Variants in PCDH15 observed in about 807,000 individuals in gnomAD.
The protein encoded by PCDH15 is protocadherin-15.
In PCDH15, 129 loss-of-function variants were observed where a neutral mutation model predicts 178.5. The ratio of observed to expected loss-of-function variants is 0.72; its 90% CI spans 0.63 to 0.84. PCDH15 has a LOEUF of 0.84. PCDH15 is among the 40% of genes least tolerant of loss of function. PCDH15 has a pLI of 0.00. For synonymous variants in PCDH15, 800 were observed against 732.0 expected (o/e 1.09, Z -1.50); for missense variants, 2,230 against 2,099.9 (o/e 1.06, Z -1.21).
intron 2 of PCDH15, chr10:54,606,138 T>C (rs1298380748): frequency 6.6e-6 from 1 of 152,200 alleles, no homozygotes; most frequent in Non-Finnish European, 1.5e-5. Context: ...GCTTGATTTG[T>C]AGTCTAACTT....
intron 3 of PCDH15, among the ~76,000 whole-genome samples, chr10:54,468,225 T>C (rs12220423): frequency 0.091 from 13,820 of 151,998 alleles, 807 homozygotes; most frequent in East Asian, 0.27. Context: ...TTCTTGCTTT[T>C]AAAATTTATT....
chr10:54,905,732 T>C (rs1420296624), intron 2 of PCDH15, among the ~76,000 whole-genome samples: 1 of 152,098 alleles, frequency 6.6e-6, no homozygotes, highest in Non-Finnish European at 1.5e-5. Flanking sequence ...GGCTCAATAG[T>C]TCCATATGGA....
chr10:54,566,084 CAATA>C (rs2088988162), intron 2 of PCDH15, among the ~76,000 whole-genome samples: 1 of 151,992 alleles, frequency 6.6e-6, no homozygotes, highest in African/African-American at 2.4e-5. Flanking sequence ...AATTTCATCT[CAATA>C]AATAAATACA....
chr10:55,494,550 A>C (rs917181425), intron 2 of PCDH15, among the ~76,000 whole-genome samples: 2 of 151,118 alleles, frequency 1.3e-5, no homozygotes, highest in Admixed American at 1.3e-4. Flanking sequence ...TGTTAAGAGG[A>C]TATTTTCTAA....
At chr10:54,677,562 T>G (rs746957175) in intron 1 of PCDH15, among the ~76,000 whole-genome samples, 1 of 151,904 alleles carries the variant, frequency 6.6e-6, no homozygotes, top group Non-Finnish European at 1.5e-5. Flanking sequence ...TGCATAAGAA[T>G]CTAAGTGTCC....
intron 3 of PCDH15, among the ~76,000 whole-genome samples, chr10:54,448,042 T>C (rs1230145667): frequency 6.6e-6 from 1 of 151,682 alleles, no homozygotes; most frequent in Non-Finnish European, 1.5e-5. Flanking sequence ...TATTCAGTTT[T>C]AGAACGTTAA....
intron 1 of PCDH15, among the ~76,000 whole-genome samples, chr10:55,264,200 A>C (rs1842222601): frequency 6.6e-6 from 1 of 152,118 alleles, no homozygotes; most frequent in South Asian, 2.1e-4. Flanking sequence ...TTTCAATCCG[A>C]AGCTCGATTC....
chr10:55,453,375 A>C (rs1839477543), intron 2 of PCDH15, among the ~76,000 whole-genome samples: 1 of 152,198 alleles, frequency 6.6e-6, no homozygotes, highest in African/African-American at 2.4e-5. Context: ...ATGCATGTTT[A>C]GGTTTTGTAA....
intron 1 of PCDH15, among the ~76,000 whole-genome samples, chr10:55,314,199 GTATATATA>G (rs34097929): frequency 0.022 from 3,101 of 142,818 alleles, 53 homozygotes; most frequent in South Asian, 0.076. Context: ...ATGTTTGTGT[GTATATATA>G]TATATATATA....
At chr10:55,054,562 C>CAA (rs1841249284) in intron 2 of PCDH15, among the ~76,000 whole-genome samples, 1 of 152,122 alleles carries the variant, frequency 6.6e-6, no homozygotes, top group Non-Finnish European at 1.5e-5. Context: ...ATTACTGGGT[C>CAA]AAATAGCTTT....
intron 2 of PCDH15, among the ~76,000 whole-genome samples, chr10:55,500,488 C>T (rs1402994358): frequency 6.6e-6 from 1 of 151,710 alleles, no homozygotes; most frequent in African/African-American, 2.4e-5. Flanking sequence ...TCTGGAGCAA[C>T]ATTTCTCTAC....
chr10:54,959,122 G>A (rs1591806413), intron 2 of PCDH15, among the ~76,000 whole-genome samples: 1 of 151,864 alleles, frequency 6.6e-6, no homozygotes, highest in East Asian at 1.9e-4. Flanking sequence ...AAAGACATGA[G>A]AAGGCAGGAA....
chr10:54,467,601 GTTTTT>G (rs67776985), intron 3 of PCDH15, among the ~76,000 whole-genome samples: 4 of 45,670 alleles, frequency 8.8e-5, no homozygotes, highest in African/African-American at 2.7e-4. Flanking sequence ...TCAAGCTGTA[GTTTTT>G]TTTTTTTTTT....
chr10:54,241,795 G>A (rs1402153496), intron 8 of PCDH15, among the ~76,000 whole-genome samples: 1 of 151,882 alleles, frequency 6.6e-6, no homozygotes, highest in African/African-American at 2.4e-5. Flanking sequence ...GATTCATAAT[G>A]AGAAGGTAAT....
At chr10:54,442,757 A>G (rs911313816) in intron 3 of PCDH15, among the ~76,000 whole-genome samples, 9 of 151,474 alleles carry the variant, frequency 5.9e-5, no homozygotes, top group Admixed American at 5.3e-4. Context: ...AAAGACTACA[A>G]CATTTATTAT....
At chr10:53,930,018 T>C (rs890417776) in intron 25 of PCDH15, among the ~76,000 whole-genome samples, 2 of 152,176 alleles carry the variant, frequency 1.3e-5, no homozygotes, top group Admixed American at 6.5e-5. Context: ...TCTATAGATG[T>C]TCTGGGTACA....
At chr10:54,906,138 G>C (rs1954717789) in intron 2 of PCDH15, among the ~76,000 whole-genome samples, 1 of 152,000 alleles carries the variant, frequency 6.6e-6, no homozygotes. Context: ...TAAATCAAAA[G>C]GGGCTGGTTC....
chr10:54,658,812 G>A (rs1371494949), intron 2 of PCDH15, among the ~76,000 whole-genome samples: 1 of 152,034 alleles, frequency 6.6e-6, no homozygotes, highest in Non-Finnish European at 1.5e-5. Flanking sequence ...GAATGAAAAT[G>A]GCCTAAATGC....
chr10:53,921,109 G>T (rs906910545), intron 25 of PCDH15, among the ~76,000 whole-genome samples: 4 of 152,144 alleles, frequency 2.6e-5, no homozygotes, highest in Admixed American at 6.5e-5. Flanking sequence ...GGGGTTCACA[G>T]TTCTTGCAAT....
Sources: gnomAD v4.1 joint callset for allele counts (sites outside exome capture counted in the v4.1 genomes callset) on GRCh38, gnomAD v4.1.1 for gene constraint, MANE v1.5 for transcripts, NCBI Gene and HGNC (gene_info 2026-07-23, HGNC 2026-07-21) for gene names.